SMYD3: variants seen among roughly 807,000 people sequenced by gnomAD.
SMYD3 encodes the protein SET and MYND domain containing 3.
SMYD3 carries 36 observed loss-of-function variants against 57.7 expected under a neutral mutation model. The observed-to-expected ratio is 0.62, with a 90% CI of 0.48 to 0.82. The LOEUF (loss-of-function observed/expected upper bound fraction) is 0.82, where lower values mean the gene tolerates loss of function less well. Ranked by LOEUF, SMYD3 falls within the 40% of genes least tolerant of loss-of-function variation. SMYD3 has a pLI of 0.00. For synonymous variants in SMYD3, 211 were observed against 195.0 expected, an observed-to-expected ratio of 1.08 and a Z score of -0.68; for missense variants, 515 against 538.8, an observed-to-expected ratio of 0.96 and a Z score of 0.44.
At chr1:245,836,917 T>A (rs1572476164) in intron 10 of SMYD3, among the ~76,000 whole-genome samples, 1 of 152,344 alleles carries the variant, frequency 6.6e-6, no homozygotes, top group East Asian at 1.9e-4. Context: ...ATCAAACAGA[T>A]GAAACAGCCT....
chr1:246,378,726 T>TATATATAATTATATATA (rs58702520), intron 1 of SMYD3, among the ~76,000 whole-genome samples: 19 of 89,854 alleles, frequency 2.1e-4, no homozygotes, highest in South Asian at 8.7e-4. Flanking sequence ...TATAATATAT[T>TATATATAATTATATATA]ATATATTATA....
At chr1:246,293,543 G>A (rs1232656987) in intron 5 of SMYD3, among the ~76,000 whole-genome samples, 1 of 152,104 alleles carries the variant, frequency 6.6e-6, no homozygotes, top group Admixed American at 6.5e-5. Flanking sequence ...TGGAGCAAAA[G>A]CAGCCCTCCT....
intron 5 of SMYD3, among the ~76,000 whole-genome samples, chr1:246,305,448 G>C (rs1314845778): frequency 6.6e-6 from 1 of 151,752 alleles, no homozygotes; most frequent in African/African-American, 2.4e-5. Context: ...TGTTACATTA[G>C]AAAAAAAAGT....
intron 8 of SMYD3, among the ~76,000 whole-genome samples, chr1:245,891,373 A>G (rs796214134): frequency 6.6e-6 from 1 of 152,218 alleles, no homozygotes; most frequent in Non-Finnish European, 1.5e-5. Flanking sequence ...AGCCATAAAC[A>G]TTCAAAATTT....
At chr1:245,805,810 C>T (rs1249857934) in intron 10 of SMYD3, among the ~76,000 whole-genome samples, 1 of 152,222 alleles carries the variant, frequency 6.6e-6, no homozygotes, top group African/African-American at 2.4e-5. Flanking sequence ...GATTCAGTAT[C>T]TGCTGTCTTA....
chr1:246,442,673 C>A (rs781120963), intron 1 of SMYD3, among the ~76,000 whole-genome samples: 1 of 151,872 alleles, frequency 6.6e-6, no homozygotes, highest in Non-Finnish European at 1.5e-5. Flanking sequence ...AAATTGGAGA[C>A]CAGTTGGAGG....
At chr1:245,991,804 C>A (rs201266606) in intron 5 of SMYD3, among the ~76,000 whole-genome samples, 5 of 146,888 alleles carry the variant, frequency 3.4e-5, no homozygotes, top group African/African-American at 5.1e-5. Flanking sequence ...CACACACCAA[C>A]TTACAACTGA....
At chr1:245,808,804 C>T (rs1160579820) in intron 10 of SMYD3, among the ~76,000 whole-genome samples, 1 of 151,868 alleles carries the variant, frequency 6.6e-6, no homozygotes, top group Admixed American at 6.6e-5. Context: ...ATTTTGTTGC[C>T]CAGGCTGGAG....
chr1:246,507,178 T>A lies in SMYD3; in HGVS notation c.40A>T (p.Arg14Trp). 1 of 1,532,420 alleles carries A rather than the reference T, an allele frequency of 6.5e-7. No homozygotes were observed. The highest frequency in any genetic ancestry group is 8.8e-7 in the Non-Finnish European group (1 of 1,139,668). The allele number at this position is 1,532,420 out of a possible 1,614,324, so 94.9% of individuals were successfully genotyped here. Residue 14 changes from arginine (R) to tryptophan (W), a missense_variant, in exon 1 of 12, where the codon AGG becomes TGG. Arg to Trp is a moderately radical substitution (Grantham distance 101). Transcript: ENST00000490107. ...LKVEKFATAK[R>W]GNGLRAVTPL... ...GTCACGGCGCGCAGCCCGTTTCCCC[T>A]CTTGGCGGTTGCGAACTTTTCCACC...
At chr1:246,363,849 C>CAAGTGA (rs1484336038) in intron 1 of SMYD3, among the ~76,000 whole-genome samples, 2 of 152,098 alleles carry the variant, frequency 1.3e-5, no homozygotes, top group African/African-American at 4.8e-5. Flanking sequence ...TATCTGCTGA[C>CAAGTGA]CTTCCCTCCA....
chr1:246,500,659 G>A (rs936465913), intron 1 of SMYD3, among the ~76,000 whole-genome samples: 6 of 152,104 alleles, frequency 3.9e-5, no homozygotes, highest in African/African-American at 1.4e-4. Flanking sequence ...TATCATGAGG[G>A]GAAGTCTGTA....
intron 5 of SMYD3, among the ~76,000 whole-genome samples, chr1:246,213,261 G>A (rs1183915767): frequency 6.6e-6 from 1 of 152,002 alleles, no homozygotes. Flanking sequence ...CAAACACCAA[G>A]GGCCAGACTT....
At chr1:245,839,363 G>T (rs373393019) in intron 10 of SMYD3, among the ~76,000 whole-genome samples, 1 of 151,870 alleles carries the variant, frequency 6.6e-6, no homozygotes, top group Non-Finnish European at 1.5e-5. Context: ...TAGAGACGGG[G>T]TTTCACCGTG....
chr1:246,486,554 C>G (rs568471192), intron 1 of SMYD3, among the ~76,000 whole-genome samples: 3 of 152,246 alleles, frequency 2.0e-5, no homozygotes, highest in African/African-American at 7.2e-5. Context: ...TTGCTCTTCA[C>G]TAAAATCCTA....
At chr1:246,427,176 T>C (rs886756723) in intron 1 of SMYD3, among the ~76,000 whole-genome samples, 1 of 152,220 alleles carries the variant, frequency 6.6e-6, no homozygotes, top group South Asian at 2.1e-4. Flanking sequence ...TAAGTTCCTC[T>C]GACATATTTC....
intron 10 of SMYD3, among the ~76,000 whole-genome samples, chr1:245,847,695 C>T (rs983156549): frequency 7.8e-6 from 1 of 128,550 alleles, no homozygotes. Flanking sequence ...TCAATGCATC[C>T]CAAAAGATTC....
At chr1:246,134,857 T>C (rs984949392) in intron 5 of SMYD3, among the ~76,000 whole-genome samples, 1 of 151,082 alleles carries the variant, frequency 6.6e-6, no homozygotes, top group Non-Finnish European at 1.5e-5. Flanking sequence ...CTAAATAATA[T>C]CTATTTTTAA....
intron 11 of SMYD3, among the ~76,000 whole-genome samples, chr1:245,762,353 C>T (rs12062855): frequency 0.017 from 2,599 of 152,334 alleles, 84 homozygotes; most frequent in African/African-American, 0.059. Context: ...AAGGTCTAGT[C>T]TGATCACTTA....
At chr1:245,804,004 C>T (rs1383660483) in intron 10 of SMYD3, among the ~76,000 whole-genome samples, 2 of 151,468 alleles carry the variant, frequency 1.3e-5, no homozygotes, top group Non-Finnish European at 2.9e-5. Context: ...ACCTCCGCCT[C>T]CCGGGTTCAA....
Sources: allele counts gnomAD v4.1 joint callset (sites outside exome capture counted in the v4.1 genomes callset), GRCh38; gene constraint gnomAD v4.1.1; transcripts MANE v1.5; gene names NCBI Gene and HGNC (gene_info 2026-07-23, HGNC 2026-07-21).